The following ZFYVE26 variants were observed in gnomAD, a reference collection of about 807,000 sequenced individuals.
The protein encoded by ZFYVE26 is zinc finger FYVE-type containing 26, also known as zinc finger FYVE domain-containing protein 26.
In ZFYVE26, 181 loss-of-function variants were observed where a neutral mutation model predicts 276.5. The ratio of observed to expected loss-of-function variants is 0.65; its 90% confidence interval spans 0.58 to 0.74. ZFYVE26 has a LOEUF of 0.74. ZFYVE26 is among the 30% of genes least tolerant of loss of function. The probability of loss-of-function intolerance (pLI) is 0.00; values close to 1 mark genes in which losing one functional copy is unlikely to be tolerated. For missense variants in ZFYVE26, 2,821 were observed against 3,097.9 expected (o/e 0.91, Z 2.12); for synonymous variants, 1,129 against 1,203.1 (o/e 0.94, Z 1.27).
intron 16 of ZFYVE26, among the ~76,000 whole-genome samples, chr14:67,788,191 T>A (rs2039705305): frequency 6.6e-6 from 1 of 151,696 alleles, no homozygotes; most frequent in Admixed American, 6.6e-5. Context: ...GAGTTCGAGA[T>A]CAGCCTGACC....
At position 67,798,353 on chromosome 14, in the gene ZFYVE26, C is replaced by T; in HGVS notation, c.1909G>A (p.Val637Ile). Residue 637 changes from valine to isoleucine, a missense_variant, in exon 11 of 42, where the codon GTC becomes ATC. Transcript: ENST00000347230. Reference sequence around the variant, plus strand: ...ATTGTATAAGCAAGGGTCTTTGGGACTCCCAGGGAACCCCGTTCTGACTTC... The same window carrying T: ...ATTGTATAAGCAAGGGTCTTTGGGATTCCCAGGGAACCCCGTTCTGACTTC... ...ERKSERGSLG[V>I]PKTLAYTMPS... The T allele has an allele frequency of 1.9e-6, 3 of 1,610,202 alleles. No homozygotes were observed. The highest frequency in any genetic ancestry group is 2.5e-6 in the Non-Finnish European group (3 of 1,177,754).
chr14:67,784,294 C>T (rs893264842), intron 20 of ZFYVE26, 40 bp downstream of exon 20: 1 of 1,552,210 alleles, frequency 6.4e-7, no homozygotes, highest in African/African-American at 1.4e-5. Flanking sequence ...ATGAAATCAT[C>T]CGAAGGCCCA....
intron 14 of ZFYVE26, among the ~76,000 whole-genome samples, chr14:67,792,921 A>AAAG (rs1395387160): frequency 6.7e-6 from 1 of 150,218 alleles, no homozygotes; most frequent in East Asian, 2.0e-4. Flanking sequence ...CTCAAAAAAA[A>AAAG]AAAAAAAAAA....
In ZFYVE26 at chr14:67,785,234, G is replaced by A; in HGVS notation, c.3348C>T (p.Ala1116=). The change falls in exon 19 of 42, where the codon GCC becomes GCT. Residue 1116 remains alanine (A), a synonymous_variant. Coordinates refer to ENST00000347230, the MANE Select transcript of ZFYVE26 (RefSeq NM_015346.4). ...PPLSSLVEQA[A]QKAPEAEAHP... The stretch of plus-strand genomic sequence containing the variant: ...GGGCCTCTGCCTCTGGAGCTTTCTG[G>A]GCTGCCTGCTCCACCAGGGAAGACA... 1 of 1,613,308 alleles carries A rather than the reference G, an allele frequency of 6.2e-7. No individual in the cohort carries two copies. The highest frequency in any genetic ancestry group is 8.5e-7 in the Non-Finnish European group (1 of 1,179,560).
chr14:67,738,928 A>G (rs1184164131), intron 13 of ZFYVE26, among the ~76,000 whole-genome samples: 16 of 152,216 alleles, frequency 1.1e-4, no homozygotes, highest in Admixed American at 1.0e-3. Flanking sequence ...GCCAAAGTCC[A>G]GGCCTCCCCA....
chr14:67,748,744 T>C, intron 41 of ZFYVE26, 105 bp from the exon 42 acceptor site: 1 of 1,135,592 alleles, frequency 8.8e-7, no homozygotes, highest in Non-Finnish European at 1.3e-6. Context: ...ATGTCTCACC[T>C]GCCACGTTCA....
At chr14:67,797,454 T>C (rs2039977103) in intron 12 of ZFYVE26, 1 of 610,602 alleles carries the variant, frequency 1.6e-6, no homozygotes, top group Non-Finnish European at 2.9e-6. Flanking sequence ...GTATAATGCA[T>C]GTGTATATAT....
chr14:67,741,446 T>C (rs1338948544), intron 13 of ZFYVE26, among the ~76,000 whole-genome samples: 1 of 152,186 alleles, frequency 6.6e-6, no homozygotes, highest in Non-Finnish European at 1.5e-5. Context: ...CATATTCATG[T>C]AGTCCTCACA....
At position 67,772,095 on chromosome 14, in the gene ZFYVE26, A is replaced by T; in HGVS notation, c.5436T>A (p.Asp1812Glu). 6.2e-7 allele frequency: 1 copy of T among 1,612,574 alleles called. No individual in the cohort carries two copies. Among genetic ancestry groups the T allele is most frequent in the South Asian group, 1.1e-5 (1 of 90,760 alleles). Residue 1812 changes from aspartate (D) to glutamate (E), a missense_variant, in exon 28 of 42, where the codon GAT becomes GAA. By Grantham distance (45) the Asp-to-Glu change is conservative (BLOSUM62 2). Transcript: ENST00000347230. ...TPPARHQWVP[D>E]ETESICMVCC... ...AGACCATGCAGATACTCTCAGTCTC[A>T]TCCGGTACCCACTGGTGCCTGGCAG...
At chr14:67,807,255 C>T (rs1020227428) in intron 5 of ZFYVE26, 143 bp downstream of exon 5, 18 of 1,083,266 alleles carry the variant, frequency 1.7e-5, no homozygotes, top group East Asian at 7.5e-5. Context: ...TGTACTTTTA[C>T]GAAAGAGCAT....
Position 67,807,706 on chromosome 14 carries a change from A to G in ZFYVE26, c.578T>C (p.Leu193Pro). Residue 193 changes from leucine to proline, a missense_variant, in exon 5 of 42, where the codon CTG (leucine) becomes CCG (proline). Coordinates refer to ENST00000347230, the MANE Select transcript of ZFYVE26 (RefSeq NM_015346.4). Reference protein sequence around the residue: ...GLCHWPLQNALVDLIRKALRA... With the variant: ...GLCHWPLQNAPVDLIRKALRA... ...CAATGCCTTTCGAATGAGGTCCACC[A>G]GTGCATTCTGCAGAGGCCAGTGACA... 6.2e-7 allele frequency: 1 copy of G among 1,614,188 alleles called. No homozygotes were observed. Among genetic ancestry groups the G allele is most frequent in the Non-Finnish European group, 8.5e-7 (1 of 1,180,036 alleles).
At chr14:67,799,626 A>T in intron 10 of ZFYVE26, 2 of 1,432,922 alleles carry the variant, frequency 1.4e-6, no homozygotes, top group Non-Finnish European at 2.0e-6. Flanking sequence ...TTTTCTCTTC[A>T]AAGGTCCTTA....
intron 4 of ZFYVE26, 33 bp downstream of exon 4, chr14:67,809,167 C>G: frequency 6.3e-7 from 1 of 1,585,048 alleles, no homozygotes; most frequent in African/African-American, 1.3e-5. Context: ...TGACTGTCAA[C>G]CCTGGGCAGA....
At chr14:67,805,002 A>G (rs1342524797) in intron 8 of ZFYVE26, among the ~76,000 whole-genome samples, 1 of 152,252 alleles carries the variant, frequency 6.6e-6, no homozygotes, top group Non-Finnish European at 1.5e-5. Flanking sequence ...CTGTCATCCT[A>G]AAATTATCCT....
intron 27 of ZFYVE26, 88 bp from the exon 28 acceptor site, chr14:67,772,298 A>G (rs1385844660): frequency 2.1e-6 from 3 of 1,422,274 alleles, no homozygotes; most frequent in East Asian, 2.4e-5. Flanking sequence ...TTACCATTTT[A>G]CAAACCGTTA....
At chr14:67,793,154 G>A (rs1354719912) in intron 14 of ZFYVE26, among the ~76,000 whole-genome samples, 1 of 152,044 alleles carries the variant, frequency 6.6e-6, no homozygotes. Context: ...CTGCTTGGGA[G>A]GCTTAGGCAG....
At chr14:67,763,347 T>A (rs890408864) in intron 32 of ZFYVE26, among the ~76,000 whole-genome samples, 21 of 152,368 alleles carry the variant, frequency 1.4e-4, no homozygotes, top group Admixed American at 3.3e-4. Context: ...AGTTTACTCA[T>A]CTGTAAAATG....
intron 23 of ZFYVE26, 108 bp from the exon 24 acceptor site, chr14:67,778,356 C>T (rs2039405820): frequency 7.1e-7 from 1 of 1,405,230 alleles, no homozygotes; most frequent in Admixed American, 1.7e-5. Flanking sequence ...CTGATGGGAA[C>T]TTCACTATGA....
Position 67,754,633 on chromosome 14 carries a change from T to C in ZFYVE26, c.6986+418A>G, listed in dbSNP as rs113497419. ...GTAGTGGTAGAGCATTTACTCCAGA[T>C]GTTGTGTTCTATGTAGAGGGACTGG... is the stretch of plus-strand genomic sequence containing the variant. On this transcript the variant is annotated intron_variant, in intron 37 of 41. Coordinates refer to ENST00000347230, the MANE Select transcript of ZFYVE26 (RefSeq NM_015346.4). Among the ~76,000 whole-genome samples, 449 of 152,260 alleles carry C rather than the reference T, an allele frequency of 2.9e-3. 2 individuals are homozygous for C. Among genetic ancestry groups the C allele is most frequent in the African/African-American group, 0.01 (430 of 41,552 alleles).
Sources: gnomAD v4.1 joint callset for allele counts (sites outside exome capture counted in the v4.1 genomes callset) on GRCh38, gnomAD v4.1.1 for gene constraint, MANE v1.5 for transcripts, NCBI Gene and HGNC (gene_info 2026-07-23, HGNC 2026-07-21) for gene names.